LACTB2: variants seen among roughly 807,000 people sequenced by gnomAD.
The protein encoded by LACTB2 is lactamase beta 2, also known as endoribonuclease LACTB2.
Under a neutral mutation model 34.8 loss-of-function variants are expected in LACTB2, and 32 were observed. The observed-to-expected ratio is 0.92, with a 90% CI of 0.69 to 1.24. The LOEUF (loss-of-function observed/expected upper bound fraction) is 1.24. Ranked by LOEUF, LACTB2 falls within the 50% of genes most tolerant of loss-of-function variation. The probability of loss-of-function intolerance (pLI) is 0.00; values close to 1 mark genes in which losing one functional copy is unlikely to be tolerated. For missense variants in LACTB2, 320 were observed against 345.0 expected (o/e 0.93, Z 0.57); for synonymous variants, 120 against 117.5 (o/e 1.02, Z -0.14).
At chr8:70,641,198 A>G (rs1446312471) in intron 4 of LACTB2, 148 bp from the exon 5 acceptor site, 1 of 719,878 alleles carries the variant, frequency 1.4e-6, no homozygotes. Flanking sequence ...GGAAAGCTAT[A>G]CAGGTGAAAG....
At chr8:70,642,629 G>A (rs1281498883) in intron 4 of LACTB2, among the ~76,000 whole-genome samples, 1 of 151,570 alleles carries the variant, frequency 6.6e-6, no homozygotes, top group Non-Finnish European at 1.5e-5. Context: ...GATTACAGGT[G>A]CCCACCAAGA....
intron 1 of LACTB2, among the ~76,000 whole-genome samples, chr8:70,665,869 T>C (rs1818528575): frequency 6.6e-6 from 1 of 152,208 alleles, no homozygotes; most frequent in African/African-American, 2.4e-5. Flanking sequence ...AAGGTTAAAA[T>C]TGCAGTTTTT....
rs1818594356 is a variant in LACTB2 at position 70,669,182 on chromosome 8, A to G, written c.-62T>C. The G allele has an allele frequency of 3.0e-5, 47 of 1,586,062 alleles. 2 individuals carry two copies. The South Asian group carries it at 5.2e-4, about 17-fold the overall frequency. On this transcript the variant is annotated 5_prime_UTR_variant, in exon 1 of 7. Transcript: ENST00000276590. ...GGATACTCCAGCGCGGAAGAAGCCA[A>G]CAGGCCGGGGATAGCGAGTAGCGTC...
At chr8:70,646,219 T>G (rs1414515463) in intron 3 of LACTB2, 3 of 152,174 alleles carry the variant, frequency 2.0e-5, no homozygotes, top group African/African-American at 7.2e-5. Flanking sequence ...TCATTGTGGT[T>G]AAGAGCTTCT....
intron 4 of LACTB2, among the ~76,000 whole-genome samples, chr8:70,641,891 T>C (rs1261530672): frequency 6.6e-6 from 1 of 152,198 alleles, no homozygotes; most frequent in Non-Finnish European, 1.5e-5. Flanking sequence ...CTATCATTTA[T>C]TTGCTGTGTG....
chr8:70,665,610 G>A (rs1322543856), intron 1 of LACTB2, among the ~76,000 whole-genome samples: 3 of 152,150 alleles, frequency 2.0e-5, no homozygotes, highest in Admixed American at 2.0e-4. Flanking sequence ...TTTCATATAC[G>A]TTTTTTCACT....
intron 3 of LACTB2, among the ~76,000 whole-genome samples, chr8:70,655,961 G>GT (rs1818407450): frequency 6.6e-6 from 1 of 152,138 alleles, no homozygotes; most frequent in African/African-American, 2.4e-5. Context: ...GTGATGTTGA[G>GT]TATTTTTTCA....
At chr8:70,665,386 A>G (rs976225101) in intron 1 of LACTB2, among the ~76,000 whole-genome samples, 8 of 152,254 alleles carry the variant, frequency 5.3e-5, no homozygotes, top group African/African-American at 1.4e-4. Flanking sequence ...ATGGAAAATT[A>G]GTAGAATCAA....
At chr8:70,647,121 TAGC>T (rs1391435232) in intron 3 of LACTB2, among the ~76,000 whole-genome samples, 1 of 152,128 alleles carries the variant, frequency 6.6e-6, no homozygotes, top group Non-Finnish European at 1.5e-5. Flanking sequence ...TCACAGCAAA[TAGC>T]AATACATGTC....
At chr8:70,652,591 C>T (rs1388830114) in intron 3 of LACTB2, 1 of 152,062 alleles carries the variant, frequency 6.6e-6, no homozygotes, top group Non-Finnish European at 1.5e-5. Flanking sequence ...ATTTGAAATC[C>T]TTGGCATCAA....
chr8:70,657,745 C>T lies in LACTB2; in HGVS notation c.413+11G>A, dbSNP rs373306634. On this transcript the variant is annotated intron_variant, in intron 3 of 6. Transcript: ENST00000276590. ...CTCTTCACCTTCCCTGGCTAAGGGACATTTACTTACCTTAGAGTGGCTCCC... is the reference window on the plus strand; with the variant it reads ...CTCTTCACCTTCCCTGGCTAAGGGATATTTACTTACCTTAGAGTGGCTCCC... 634 of 1,606,088 alleles carry T rather than the reference C, an allele frequency of 3.9e-4. 11 individuals are homozygous for T. In the South Asian group the frequency reaches 6.5e-3, roughly 16 times the overall value.
At chr8:70,655,697 T>C (rs1818403464) in intron 3 of LACTB2, among the ~76,000 whole-genome samples, 1 of 152,218 alleles carries the variant, frequency 6.6e-6, no homozygotes, top group Admixed American at 6.5e-5. Flanking sequence ...TGACTTCTTT[T>C]CCTCTGGGTA....
chr8:70,637,699 G>A lies in LACTB2; in HGVS notation c.*161C>T. 2.4e-6 allele frequency: 1 copy of A among 424,424 alleles called. No homozygotes were observed. The highest frequency in any genetic ancestry group is 4.2e-6 in the Non-Finnish European group (1 of 237,526). 26.3% of individuals were successfully genotyped at this position (424,424 alleles called of 1,614,324 possible). A position where few individuals can be genotyped will look rare whatever the true frequency, so the allele number is the denominator to read the frequency against. On this transcript the variant is annotated 3_prime_UTR_variant, in exon 7 of 7. Transcript: ENST00000276590. ...ATAACCTATCATATGGTTGTATAGT[G>A]TAATTTACATATTTTAGCATAAATA...
intron 1 of LACTB2, among the ~76,000 whole-genome samples, chr8:70,665,049 T>C (rs148461221): frequency 8.7e-4 from 133 of 152,368 alleles, no homozygotes; most frequent in Middle Eastern, 3.4e-3. Flanking sequence ...GTTATCAGTT[T>C]TGAAATTGAA....
intron 1 of LACTB2, among the ~76,000 whole-genome samples, chr8:70,664,987 T>C (rs910721211): frequency 6.6e-6 from 1 of 152,192 alleles, no homozygotes; most frequent in Non-Finnish European, 1.5e-5. Flanking sequence ...GTTAAGTGCT[T>C]AGAATCATTA....
At chr8:70,645,457 C>T (rs1000176961) in intron 3 of LACTB2, among the ~76,000 whole-genome samples, 1 of 151,402 alleles carries the variant, frequency 6.6e-6, no homozygotes, top group Non-Finnish European at 1.5e-5. Flanking sequence ...TTAAAAGAAA[C>T]TTTCTTAACA....
intron 3 of LACTB2, chr8:70,652,379 T>C (rs1001651076): frequency 6.6e-6 from 1 of 152,218 alleles, no homozygotes; most frequent in African/African-American, 2.4e-5. Context: ...AAAGTGGAAA[T>C]TGAAAACCAC....
chr8:70,660,953 C>CT (rs1554541045), intron 2 of LACTB2: 1 of 455,314 alleles, frequency 2.2e-6, no homozygotes, highest in South Asian at 1.6e-5. Flanking sequence ...AATTTTTGTA[C>CT]TTTTTTTGTA....
chr8:70,651,153 A>G (rs1818338069), intron 3 of LACTB2, among the ~76,000 whole-genome samples: 1 of 152,206 alleles, frequency 6.6e-6, no homozygotes, highest in South Asian at 2.1e-4. Flanking sequence ...AAAAAGTCTA[A>G]TAATATAATA....
Sources: allele counts gnomAD v4.1 joint callset (sites outside exome capture counted in the v4.1 genomes callset), GRCh38; gene constraint gnomAD v4.1.1; transcripts MANE v1.5; gene names NCBI Gene and HGNC (gene_info 2026-07-23, HGNC 2026-07-21).